The following TRUB1 variants were observed in gnomAD, a reference collection of about 807,000 sequenced individuals.
The protein encoded by TRUB1 is pseudouridylate synthase TRUB1.
A neutral mutation model predicts 33.9 loss-of-function variants in TRUB1; 23 were observed. The observed-to-expected ratio is 0.68, with a 90% confidence interval of 0.49 to 0.96. The LOEUF (loss-of-function observed/expected upper bound fraction) is 0.96, where lower values mean the gene tolerates loss of function less well. Ranked by LOEUF, TRUB1 falls within the 40% of genes least tolerant of loss-of-function variation. The pLI, the probability that TRUB1 is intolerant of heterozygous loss-of-function variation, is 0.00. For synonymous variants in TRUB1, 163 were observed against 165.4 expected, an observed-to-expected ratio of 0.99 and a Z score of 0.11; for missense variants, 378 against 422.2, an observed-to-expected ratio of 0.90 and a Z score of 0.92.
intron 3 of TRUB1, among the ~76,000 whole-genome samples, chr10:114,956,775 A>G (rs889427273): frequency 1.3e-5 from 2 of 152,202 alleles, no homozygotes; most frequent in African/African-American, 2.4e-5. Flanking sequence ...GGAAGTTTTA[A>G]ACATTTTTCA....
At chr10:114,966,380 T>G (rs1351363444) in intron 4 of TRUB1, among the ~76,000 whole-genome samples, 1 of 152,210 alleles carries the variant, frequency 6.6e-6, no homozygotes, top group Non-Finnish European at 1.5e-5. Flanking sequence ...CTGTCTTGAT[T>G]ATTGTAGCTT....
chr10:114,973,083 T>G (rs545346700), intron 6 of TRUB1, among the ~76,000 whole-genome samples: 1 of 152,292 alleles, frequency 6.6e-6, no homozygotes, highest in South Asian at 2.1e-4. Flanking sequence ...ACTCTATTGC[T>G]TTTTTATTGG....
intron 3 of TRUB1, among the ~76,000 whole-genome samples, chr10:114,954,299 G>A (rs1367567834): frequency 6.6e-6 from 1 of 152,108 alleles, no homozygotes; most frequent in South Asian, 2.1e-4. Context: ...TCTCTCCCTA[G>A]CCAGTCGTAA....
chr10:114,947,388 C>G (rs1219611327), intron 2 of TRUB1, among the ~76,000 whole-genome samples: 1 of 152,114 alleles, frequency 6.6e-6, no homozygotes, highest in African/African-American at 2.4e-5. Flanking sequence ...AAGGAATACA[C>G]CTATTTATCA....
intron 4 of TRUB1, among the ~76,000 whole-genome samples, chr10:114,964,796 A>G (rs1288816873): frequency 6.6e-6 from 1 of 151,668 alleles, no homozygotes; most frequent in East Asian, 1.9e-4. Flanking sequence ...AAAAAAATCT[A>G]TTTTTTTACA....
intron 4 of TRUB1, among the ~76,000 whole-genome samples, chr10:114,964,159 T>C (rs2084296529): frequency 6.6e-6 from 1 of 152,206 alleles, no homozygotes; most frequent in South Asian, 2.1e-4. Context: ...TAGCTATTAA[T>C]AGTGTTTTTA....
At chr10:114,948,023 C>T (rs1470136167) in intron 2 of TRUB1, among the ~76,000 whole-genome samples, 1 of 152,180 alleles carries the variant, frequency 6.6e-6, no homozygotes, top group African/African-American at 2.4e-5. Flanking sequence ...TAAACAAATT[C>T]TATCTTTTTG....
intron 3 of TRUB1, among the ~76,000 whole-genome samples, chr10:114,959,480 C>A (rs1340934647): frequency 6.6e-6 from 1 of 152,112 alleles, no homozygotes; most frequent in Non-Finnish European, 1.5e-5. Context: ...AATTATTAAG[C>A]CATAATTATC....
At chr10:114,963,365 A>T (rs1359757318) in intron 4 of TRUB1, among the ~76,000 whole-genome samples, 1 of 152,246 alleles carries the variant, frequency 6.6e-6, no homozygotes, top group Non-Finnish European at 1.5e-5. Flanking sequence ...TCAAATTGTG[A>T]TATGAACCAA....
At chr10:114,938,591 AG>A (rs761231175) in intron 1 of TRUB1, 52 bp downstream of exon 1, 123 of 1,482,702 alleles carry the variant, frequency 8.3e-5, no homozygotes, top group Non-Finnish European at 9.9e-5. Flanking sequence ...CGAGAGGGGA[AG>A]CACATTAGGC....
chr10:114,955,290 A>G (rs1013791756), intron 3 of TRUB1, among the ~76,000 whole-genome samples: 1 of 152,246 alleles, frequency 6.6e-6, no homozygotes, highest in Non-Finnish European at 1.5e-5. Flanking sequence ...AAAGCTGGAT[A>G]GCAGATGTCG....
intron 5 of TRUB1, among the ~76,000 whole-genome samples, 182 bp from the exon 6 acceptor site, chr10:114,971,953 G>A (rs1026364382): frequency 6.6e-6 from 1 of 152,172 alleles, no homozygotes; most frequent in Non-Finnish European, 1.5e-5. Context: ...ATCCATGACA[G>A]CATTATGGAG....
chr10:114,939,821 C>CTTTTTTTTTTTTTT lies in TRUB1; in HGVS notation c.286+1286_286+1287insTTTTTTTTTTTTTT, dbSNP rs199856592. Among the ~76,000 whole-genome samples, 3 of 103,490 alleles carry CTTTTTTTTTTTTTT rather than the reference C, an allele frequency of 2.9e-5. 1 individual carries two copies. Among genetic ancestry groups the CTTTTTTTTTTTTTT allele is most frequent in the African/African-American group, 8.9e-5 (2 of 22,572 alleles). The allele number at this position is 103,490 out of a possible 152,430, so 67.9% of individuals were successfully genotyped here. A position where few individuals can be genotyped will look rare whatever the true frequency, so the allele number is the denominator to read the frequency against. ...GATTTGTTAGCTAAACTCTGGGTTT[C>CTTTTTTTTTTTTTT]TTTTCTTTTTTTTTTTTTTTTATCC... On this transcript the variant is annotated intron_variant, in intron 1 of 7. Coordinates refer to ENST00000298746, the MANE Select transcript of TRUB1 (RefSeq NM_139169.5).
intron 3 of TRUB1, among the ~76,000 whole-genome samples, chr10:114,955,907 CAT>C (rs1254984419): frequency 6.6e-6 from 1 of 152,156 alleles, no homozygotes; most frequent in Non-Finnish European, 1.5e-5. Flanking sequence ...TTCAAAGCCA[CAT>C]GTTTTTGGTT....
chr10:114,951,035 A>G (rs957560206), intron 2 of TRUB1, 59 bp from the exon 3 acceptor site: 2 of 1,462,252 alleles, frequency 1.4e-6, no homozygotes. Context: ...AAATATAGCT[A>G]TTTTAAAAAC....
rs75277241 is a variant in TRUB1 at position 114,954,440 on chromosome 10, T to C, written c.441+3291T>C. Among the ~76,000 whole-genome samples, 302 of 152,334 alleles carry C rather than the reference T, an allele frequency of 2.0e-3. 2 individuals carry two copies. The highest frequency in any genetic ancestry group is 7.1e-3 in the African/African-American group (296 of 41,580). The stretch of plus-strand genomic sequence containing the variant: ...ACTTACTAGATGAAATTCTGGCTTT[T>C]AAGTAAAATCTTTAGGCCATCACAT... On this transcript the variant is annotated intron_variant, in intron 3 of 7. Coordinates refer to ENST00000298746, the MANE Select transcript of TRUB1 (RefSeq NM_139169.5).
intron 4 of TRUB1, among the ~76,000 whole-genome samples, chr10:114,967,183 T>C (rs1489577804): frequency 6.6e-6 from 1 of 152,202 alleles, no homozygotes; most frequent in Admixed American, 6.5e-5. Context: ...CTCTGTTCAG[T>C]GAGATCACTG....
chr10:114,974,431 T>G, intron 7 of TRUB1, 46 bp downstream of exon 7: 3 of 1,500,362 alleles, frequency 2.0e-6, no homozygotes, highest in Non-Finnish European at 1.9e-6. Context: ...AGAATAATAC[T>G]CCTTTTCAAT....
intron 2 of TRUB1, among the ~76,000 whole-genome samples, chr10:114,944,000 CTTTTTTTTTTT>C (rs573847481): frequency 3.3e-4 from 34 of 101,544 alleles, no homozygotes; most frequent in African/African-American, 7.6e-4. Flanking sequence ...TTTATTCCAT[CTTTTTTTTTTT>C]TTTTTTTTTT....
Sources: allele counts gnomAD v4.1 joint callset (sites outside exome capture counted in the v4.1 genomes callset), GRCh38; gene constraint gnomAD v4.1.1; transcripts MANE v1.5; gene names NCBI Gene and HGNC (gene_info 2026-07-23, HGNC 2026-07-21).